Variants in LGALS12 observed in about 807,000 individuals in gnomAD.
The protein encoded by LGALS12 is galectin 12, also known as galectin-12.
Under a neutral mutation model 36.8 loss-of-function variants are expected in LGALS12, and 36 were observed. That is an observed-to-expected ratio of 0.98 (90% CI 0.75 to 1.29). The LOEUF (loss-of-function observed/expected upper bound fraction) is 1.29, where lower values mean the gene tolerates loss of function less well. Among genes scored for constraint, LGALS12 ranks in the 50% most tolerant of loss-of-function variants. The probability of loss-of-function intolerance (pLI) is 0.00; values close to 1 mark genes in which losing one functional copy is unlikely to be tolerated. For missense variants in LGALS12, 366 were observed against 394.3 expected (o/e 0.93, Z 0.61); for synonymous variants, 145 against 155.9 (o/e 0.93, Z 0.52).
chr11:63,509,789 T>G lies in LGALS12; in HGVS notation c.384T>G (p.Asn128Lys), dbSNP rs540635458. 1 of 1,614,140 alleles carries G rather than the reference T, an allele frequency of 6.2e-7. No homozygotes were observed. Among genetic ancestry groups the G allele is most frequent in the African/African-American group, 1.3e-5 (1 of 75,056 alleles). ...FGNEEVKVSV[N>K]GQHFLHFRYR... The stretch of plus-strand genomic sequence containing the variant: ...GTCTGTCTCTCCAGGTGAGTGTGAA[T>G]GGACAGCACTTTCTCCACTTCCGCT... Residue 128 changes from asparagine (N) to lysine (K), a missense_variant, in exon 4 of 9, where the codon AAT becomes AAG. Asn to Lys is a moderately conservative substitution (Grantham distance 94). Coordinates refer to ENST00000394618, the MANE Select transcript of LGALS12 (RefSeq NM_033101.4).
chr11:63,514,873 CTT>C (rs370751949), intron 7 of LGALS12, among the ~76,000 whole-genome samples: 4 of 144,048 alleles, frequency 2.8e-5, no homozygotes, highest in Admixed American at 7.0e-5. Context: ...TCCTTTGTTC[CTT>C]TTTTTTTTTG....
At chr11:63,513,824 C>T (rs1211866118) in intron 7 of LGALS12, among the ~76,000 whole-genome samples, 1 of 152,082 alleles carries the variant, frequency 6.6e-6, no homozygotes, top group East Asian at 1.9e-4. Context: ...TTCAACAGAG[C>T]TTCACTGGGC....
intron 7 of LGALS12, among the ~76,000 whole-genome samples, chr11:63,513,768 C>T (rs1045412527): frequency 6.6e-6 from 1 of 152,184 alleles, no homozygotes; most frequent in African/African-American, 2.4e-5. Flanking sequence ...TCATCCCTTC[C>T]CTCCTCGTTA....
intron 1 of LGALS12, 174 bp from the exon 2 acceptor site, chr11:63,508,379 G>A: frequency 2.8e-6 from 4 of 1,441,134 alleles, no homozygotes; most frequent in Non-Finnish European, 3.6e-6. Context: ...TCCAGGAAAG[G>A]GGATTAGGTG....
intron 3 of LGALS12, 86 bp downstream of exon 3, chr11:63,509,077 G>A (rs2016838365): frequency 1.9e-6 from 2 of 1,077,452 alleles, no homozygotes; most frequent in Non-Finnish European, 2.8e-6. Flanking sequence ...ACGACACAAT[G>A]TTGAGTGGCA....
chr11:63,509,777 G>T lies in LGALS12; in HGVS notation c.373-1G>T. ...AAGCCAGCCTCTGTCTGTCTCTCCA[G>T]GTGAGTGTGAATGGACAGCACTTTC... On this transcript the variant is annotated splice_acceptor_variant, in intron 3 of 8. Coordinates refer to ENST00000394618, the MANE Select transcript of LGALS12 (RefSeq NM_033101.4). LOFTEE classifies it high-confidence loss of function. The T allele has an allele frequency of 2.5e-6, 4 of 1,614,138 alleles. No individual in the cohort carries two copies. The highest frequency in any genetic ancestry group is 2.2e-5 in the South Asian group (2 of 91,070).
rs778130586 is a variant in LGALS12, at chr11:63,515,639, G to T, written c.724G>T (p.Ala242Ser). ...LRASFADRTLAWISRWGQKKL... is the reference protein window; with the variant it reads ...LRASFADRTLSWISRWGQKKL... ...GGCCTCCTTCGCAGACAGAACTCTG[G>T]CCTGGATCTCCCGCTGGGGGCAGAA... Residue 242 changes from alanine (A) to serine (S), a missense_variant, in exon 8 of 9, where the codon GCC (alanine) becomes TCC (serine). By Grantham distance (99) the Ala-to-Ser change is moderately conservative. Transcript: ENST00000394618. The T allele has an allele frequency of 1.2e-6, 2 of 1,614,088 alleles. No individual in the cohort carries two copies. Among genetic ancestry groups the T allele is most frequent in the African/African-American group, 2.7e-5 (2 of 74,934 alleles).
chr11:63,507,400 C>T (rs1020292930), intron 1 of LGALS12, among the ~76,000 whole-genome samples: 15 of 152,292 alleles, frequency 9.8e-5, no homozygotes, highest in Non-Finnish European at 7.4e-5. Flanking sequence ...ACCTGCCATC[C>T]TGCTCACATT....
At chr11:63,510,567 C>T in intron 5 of LGALS12, 66 bp downstream of exon 5, 2 of 1,489,946 alleles carry the variant, frequency 1.3e-6, no homozygotes, top group Non-Finnish European at 9.3e-7. Context: ...GACTGCTGCT[C>T]CCATTACACA....
intron 1 of LGALS12, among the ~76,000 whole-genome samples, chr11:63,507,484 G>T (rs888934403): frequency 6.6e-6 from 1 of 152,108 alleles, no homozygotes; most frequent in East Asian, 1.9e-4. Flanking sequence ...GAAAGAGAAG[G>T]CTTCAGTTTT....
intron 5 of LGALS12, 45 bp from the exon 6 acceptor site, chr11:63,511,034 G>A (rs1244528718): frequency 1.2e-6 from 2 of 1,601,076 alleles, no homozygotes; most frequent in African/African-American, 2.7e-5. Flanking sequence ...CTTTTCCTGA[G>A]CAAATACCAC....
intron 6 of LGALS12, 122 bp downstream of exon 6, chr11:63,511,227 T>C (rs2016909552): frequency 2.4e-6 from 2 of 838,698 alleles, no homozygotes; most frequent in African/African-American, 3.9e-5. Flanking sequence ...TATAGAAAAC[T>C]GCAGGCTGTG....
Position 63,508,535 on chromosome 11 carries a change from G to A in LGALS12, c.70-18G>A, listed in dbSNP as rs775850965. The stretch of plus-strand genomic sequence containing the variant: ...CCTTTCTCCAAACCTGCATGGATGA[G>A]TTTCTTTTCTTGTTCAGGTGGTTCC... On this transcript the variant is annotated intron_variant, in intron 1 of 8. Coordinates refer to ENST00000394618, the MANE Select transcript of LGALS12 (RefSeq NM_033101.4). The A allele has an allele frequency of 6.2e-7, 1 of 1,614,136 alleles. No individual in the cohort carries two copies. The highest frequency in any genetic ancestry group is 1.1e-5 in the South Asian group (1 of 91,080).
Position 63,515,729 on chromosome 11 carries a change from A to C in LGALS12, c.798+16A>C, listed in dbSNP as rs2017060887. 8.1e-6 allele frequency: 13 copies of C among 1,612,984 alleles called. No homozygotes were observed. The highest frequency in any genetic ancestry group is 1.1e-5 in the Non-Finnish European group (13 of 1,179,432). ...ATTCTTTGAGGTAGGTCAGAGCCAA[A>C]TGATTACATCCCTTCAGGCTGGAGC... On this transcript the variant is annotated intron_variant, in intron 8 of 8. Coordinates refer to ENST00000394618, the MANE Select transcript of LGALS12 (RefSeq NM_033101.4).
In LGALS12 at chr11:63,506,431, G is replaced by T. The variant is rs749179330; in HGVS notation, c.-28G>T. The T allele has an allele frequency of 6.8e-6, 11 of 1,614,116 alleles. No homozygotes were observed. In the Admixed American group the frequency reaches 1.7e-4, roughly 24 times the overall value. ...GTGGGGGCAGGGCTCCTGGAACGAG[G>T]ATCTACAGTTGGAGTTGCCCCACTG... On this transcript the variant is annotated 5_prime_UTR_variant, in exon 1 of 9. Transcript: ENST00000394618.
rs916232312 is a variant in LGALS12, at chr11:63,509,831, T to C, written c.426T>C (p.Ser142=). 1 of 1,614,000 alleles carries C rather than the reference T, an allele frequency of 6.2e-7. No homozygotes were observed. The highest frequency in any genetic ancestry group is 1.3e-5 in the African/African-American group (1 of 74,930). The change falls in exon 4 of 9, where the codon TCT becomes TCC. Residue 142 remains serine, a synonymous_variant. Transcript: ENST00000394618. ...ACTTCCGCTACCGGCTCCCACTGTC[T>C]CATGTGGACACGCTGGGTATATTTG... ...FLHFRYRLPL[S]HVDTLGIFGD... is the part of the protein sequence containing the mutation.
At position 63,515,609 on chromosome 11, in the gene LGALS12, C is replaced by A. The variant is rs1201344215; in HGVS notation, c.694C>A (p.Leu232Ile). 1 of 1,614,244 alleles carries A rather than the reference C, an allele frequency of 6.2e-7. No homozygotes were observed. Among genetic ancestry groups the A allele is most frequent in the Admixed American group, 1.7e-5 (1 of 60,030 alleles). Reference sequence around the variant, plus strand: ...CCAGGCTGCCCATGCTCCTGTGACACTCAGGGCCTCCTTCGCAGACAGAAC... The same window carrying A: ...CCAGGCTGCCCATGCTCCTGTGACAATCAGGGCCTCCTTCGCAGACAGAAC... ...RDQAAHAPVTLRASFADRTLA... is the reference protein window; with the variant it reads ...RDQAAHAPVTIRASFADRTLA... Residue 232 changes from leucine (L) to isoleucine (I), a missense_variant, in exon 8 of 9, where the codon CTC becomes ATC. Coordinates refer to ENST00000394618, the MANE Select transcript of LGALS12 (RefSeq NM_033101.4).
intron 6 of LGALS12, 67 bp from the exon 7 acceptor site, chr11:63,511,685 C>T (rs1048619402): frequency 3.9e-5 from 46 of 1,164,750 alleles, no homozygotes; most frequent in African/African-American, 3.8e-4. Flanking sequence ...CCCTGGCCCC[C>T]GGGGATGGGC....
Position 63,508,848 on chromosome 11 carries a change from C to T in LGALS12, c.229C>T (p.Arg77Cys), listed in dbSNP as rs780317044. 4 of 1,614,244 alleles carry T rather than the reference C, an allele frequency of 2.5e-6. No homozygotes were observed. Among genetic ancestry groups the T allele is most frequent in the East Asian group, 2.2e-5 (1 of 44,888 alleles). Reference protein sequence around the residue: ...RPDIAFHFNPRFHTTKPHVIC... With the variant: ...RPDIAFHFNPCFHTTKPHVIC... Reference sequence around the variant, plus strand: ...AGATATCGCCTTCCACTTCAACCCTCGCTTCCATACCACCAAGCCCCATGT... The same window carrying T: ...AGATATCGCCTTCCACTTCAACCCTTGCTTCCATACCACCAAGCCCCATGT... Residue 77 changes from arginine to cysteine, a missense_variant, in exon 3 of 9, where the codon CGC becomes TGC. Coordinates refer to ENST00000394618, the MANE Select transcript of LGALS12 (RefSeq NM_033101.4).
Sources: gnomAD v4.1 joint callset for allele counts (sites outside exome capture counted in the v4.1 genomes callset) on GRCh38, gnomAD v4.1.1 for gene constraint, MANE v1.5 for transcripts, NCBI Gene and HGNC (gene_info 2026-07-23, HGNC 2026-07-21) for gene names.